ANO2: variants seen among roughly 807,000 people sequenced by gnomAD.
ANO2 encodes the protein anoctamin-2.
A neutral mutation model predicts 124.2 loss-of-function variants in ANO2; 101 were observed. The ratio of observed to expected loss-of-function variants is 0.81; its 90% CI spans 0.69 to 0.96. The LOEUF (loss-of-function observed/expected upper bound fraction) is 0.96. Ranked by LOEUF, ANO2 falls within the 40% of genes least tolerant of loss-of-function variation. The pLI is 0.00. For synonymous variants in ANO2, 486 were observed against 482.5 expected (o/e 1.01, Z -0.09); for missense variants, 1,293 against 1,274.5 (o/e 1.01, Z -0.22).
intron 10 of ANO2, among the ~76,000 whole-genome samples, chr12:5,754,281 G>A (rs1951518051): frequency 2.0e-5 from 3 of 152,078 alleles, no homozygotes; most frequent in Non-Finnish European, 4.4e-5. Context: ...CTTGGTCATG[G>A]TGTCTGATCC....
intron 10 of ANO2, among the ~76,000 whole-genome samples, chr12:5,794,037 C>T: frequency 6.6e-6 from 1 of 152,292 alleles, no homozygotes; most frequent in East Asian, 1.9e-4. Flanking sequence ...TGGCATGGAA[C>T]ATAATCATCC....
chr12:5,680,109 G>T (rs974788731), intron 14 of ANO2, among the ~76,000 whole-genome samples: 1 of 152,156 alleles, frequency 6.6e-6, no homozygotes, highest in Non-Finnish European at 1.5e-5. Flanking sequence ...ACACACTGGG[G>T]GAACAACACA....
intron 10 of ANO2, among the ~76,000 whole-genome samples, chr12:5,768,803 G>C (rs954446054): frequency 6.6e-6 from 1 of 152,164 alleles, no homozygotes. Context: ...AGCTGGGTAC[G>C]GGCCAGCAGA....
chr12:5,926,222 G>A (rs1404795719), intron 1 of ANO2, among the ~76,000 whole-genome samples: 1 of 152,142 alleles, frequency 6.6e-6, no homozygotes, highest in East Asian at 1.9e-4. Flanking sequence ...CCCCTGAAAT[G>A]TCTGCCAAAC....
Position 5,921,194 on chromosome 12 carries a change from G to C in ANO2, c.380C>G (p.Ser127Cys). 6.2e-7 allele frequency: 1 copy of C among 1,613,954 alleles called. No homozygotes were observed. Among genetic ancestry groups the C allele is most frequent in the Non-Finnish European group, 8.5e-7 (1 of 1,179,870 alleles). The stretch of plus-strand genomic sequence containing the variant: ...AGGCTCCTTGCCTGTCTCCCCATTG[G>C]AGACGATAGCCAGCGAGTGGCCAGG... Reference protein sequence around the residue: ...GFPGHSLAIVSNGETGKEPHA... With the variant: ...GFPGHSLAIVCNGETGKEPHA... Residue 127 changes from serine to cysteine, a missense_variant, in exon 3 of 25, where the codon TCC (serine) becomes TGC (cysteine). By Grantham distance (112) the Ser-to-Cys change is moderately radical. Transcript: ENST00000682330.
intron 3 of ANO2, among the ~76,000 whole-genome samples, chr12:5,854,603 A>G (rs1955042978): frequency 6.6e-6 from 1 of 152,122 alleles, no homozygotes; most frequent in Non-Finnish European, 1.5e-5. Flanking sequence ...TTTTTGTTCT[A>G]CTGTCATGCT....
chr12:5,675,354 T>C (rs572822202), intron 14 of ANO2, among the ~76,000 whole-genome samples: 17 of 152,284 alleles, frequency 1.1e-4, no homozygotes, highest in African/African-American at 3.8e-4. Flanking sequence ...AATATAACAA[T>C]TTATTAGACC....
intron 15 of ANO2, among the ~76,000 whole-genome samples, chr12:5,647,012 G>A (rs542458906): frequency 1.2e-4 from 19 of 152,262 alleles, no homozygotes; most frequent in African/African-American, 4.6e-4. Flanking sequence ...TCTGAGCTGT[G>A]AGTACACACA....
chr12:5,675,266 G>A (rs1035772525), intron 14 of ANO2, among the ~76,000 whole-genome samples: 1 of 152,170 alleles, frequency 6.6e-6, no homozygotes, highest in Non-Finnish European at 1.5e-5. Flanking sequence ...CATCTTCCAA[G>A]AGTTTTCTGC....
At chr12:5,929,318 TCC>T (rs1942242850) in intron 1 of ANO2, among the ~76,000 whole-genome samples, 1 of 114,286 alleles carries the variant, frequency 8.7e-6, no homozygotes, top group Non-Finnish European at 1.7e-5. Flanking sequence ...CAGTCTTCCT[TCC>T]TTACTAGTCT....
chr12:5,894,075 T>A (rs752963582), intron 3 of ANO2, among the ~76,000 whole-genome samples: 10 of 152,172 alleles, frequency 6.6e-5, no homozygotes, highest in Admixed American at 2.0e-4. Context: ...CTGTCTTCCA[T>A]AATGATTGAA....
intron 10 of ANO2, among the ~76,000 whole-genome samples, chr12:5,754,646 T>G (rs915457321): frequency 6.6e-6 from 1 of 152,180 alleles, no homozygotes; most frequent in African/African-American, 2.4e-5. Flanking sequence ...ACAGGCTTCC[T>G]ATTTATCCTT....
intron 10 of ANO2, among the ~76,000 whole-genome samples, chr12:5,774,268 A>G (rs1382459060): frequency 2.0e-5 from 3 of 152,116 alleles, no homozygotes; most frequent in Non-Finnish European, 4.4e-5. Context: ...CAGCCTAGGG[A>G]AAATTGCAAA....
Position 5,635,068 on chromosome 12 carries a change from T to C in ANO2, c.1816+84A>G, listed in dbSNP as rs1306549106. On this transcript the variant is annotated intron_variant, in intron 16 of 24. Transcript: ENST00000682330. The surrounding 1 kb of genome is among the most constrained non-coding windows in gnomAD (Gnocchi z 5.2). Reference sequence around the variant, plus strand: ...TACAAAGCATCCTGTCCCTGTCCCATTTTTTTTATTTTATCACCAAAAGCC... The same window carrying C: ...TACAAAGCATCCTGTCCCTGTCCCACTTTTTTTATTTTATCACCAAAAGCC... 1 of 1,198,340 alleles carries C rather than the reference T, an allele frequency of 8.3e-7. No individual in the cohort carries two copies. The highest frequency in any genetic ancestry group is 1.1e-6 in the Non-Finnish European group (1 of 891,252). The allele number at this position is 1,198,340 out of a possible 1,614,324, so 74.2% of individuals were successfully genotyped here.
intron 19 of ANO2, among the ~76,000 whole-genome samples, chr12:5,600,771 G>GA (rs1315823026): frequency 6.6e-6 from 1 of 152,134 alleles, no homozygotes; most frequent in Non-Finnish European, 1.5e-5. Flanking sequence ...AAGAATCAAA[G>GA]ACTTGAAGTG....
chr12:5,578,453 G>A lies in ANO2; in HGVS notation c.2299C>T (p.Leu767Phe), dbSNP rs765505051. ...SFPLAPVFAL[L>F]NNVIEVRLDA... is the part of the protein sequence containing the mutation. Reference sequence around the variant, plus strand: ...AGCCGCACTTCAATGACGTTGTTGAGGAGGGCAAACACAGGTGCCAGGGGA... The same window carrying A: ...AGCCGCACTTCAATGACGTTGTTGAAGAGGGCAAACACAGGTGCCAGGGGA... The change falls in exon 21 of 25, where the codon CTC (leucine) becomes TTC (phenylalanine). Residue 767 changes from leucine (L) to phenylalanine (F), a missense_variant. Coordinates refer to ENST00000682330, the MANE Select transcript of ANO2 (RefSeq NM_001364791.2). 43 of 1,613,878 alleles carry A rather than the reference G, an allele frequency of 2.7e-5. No individual in the cohort carries two copies. Among genetic ancestry groups the A allele is most frequent in the Non-Finnish European group, 3.6e-5 (43 of 1,179,886 alleles).
intron 16 of ANO2, among the ~76,000 whole-genome samples, chr12:5,626,730 G>T (rs1454572904): frequency 6.6e-6 from 1 of 152,194 alleles, no homozygotes; most frequent in Non-Finnish European, 1.5e-5. Context: ...TGCCCAGGAA[G>T]AACCAAGAGG....
intron 2 of ANO2, 133 bp downstream of exon 2, chr12:5,922,487 C>T: frequency 1.9e-6 from 2 of 1,026,386 alleles, no homozygotes; most frequent in Non-Finnish European, 2.7e-6. Context: ...AGAAAAGGCC[C>T]TACCCAAACC....
chr12:5,923,877 T>G (rs1403659149), intron 1 of ANO2, among the ~76,000 whole-genome samples: 3 of 152,182 alleles, frequency 2.0e-5, no homozygotes, highest in African/African-American at 4.8e-5. Flanking sequence ...TGCCCAGGCT[T>G]AAACCTCAGC....
Sources: allele counts gnomAD v4.1 joint callset (sites outside exome capture counted in the v4.1 genomes callset), GRCh38; gene constraint gnomAD v4.1.1; non-coding constraint Gnocchi (gnomAD v3.1); transcripts MANE v1.5; gene names NCBI Gene and HGNC (gene_info 2026-07-23, HGNC 2026-07-21).